CLSPN: variants seen among roughly 807,000 people sequenced by gnomAD.
CLSPN encodes the protein claspin homolog.
Under a neutral mutation model 156.3 loss-of-function variants are expected in CLSPN, and 85 were observed. The ratio of observed to expected loss-of-function variants is 0.54; its 90% CI spans 0.46 to 0.65. The LOEUF (loss-of-function observed/expected upper bound fraction) is 0.65, where lower values mean the gene tolerates loss of function less well. Among genes scored for constraint, CLSPN ranks in the 30% least tolerant of loss-of-function variants. The pLI is 0.00. For synonymous variants in CLSPN, 534 were observed against 542.4 expected (o/e 0.98, Z 0.22); for missense variants, 1,407 against 1,554.9 (o/e 0.90, Z 1.60).
At chr1:35,729,542 C>T (rs192199628), downstream of CLSPN, among the ~76,000 whole-genome samples, 24 of 152,150 alleles carry the variant, frequency 1.6e-4, no homozygotes, top group African/African-American at 5.8e-4. Flanking sequence ...CAGACCAAGA[C>T]AATAAAACTA....
At chr1:35,738,709 A>G in intron 20 of CLSPN, 127 bp from the exon 21 acceptor site, 1 of 906,560 alleles carries the variant, frequency 1.1e-6, no homozygotes, top group Non-Finnish European at 1.6e-6. Flanking sequence ...ATTAACAGAA[A>G]ACAGTTACAA....
At position 35,739,361 on chromosome 1, in the gene CLSPN, T is replaced by C; in HGVS notation, c.3308+4A>G. ...TACTCAGAAGGGCTTATTGGGATAC[T>C]GACATGTGTATTTTCTTGATTTGAC... On this transcript the variant is annotated splice_donor_region_variant and intron_variant, in intron 19 of 24. Transcript: ENST00000318121. The C allele has an allele frequency of 6.2e-7, 1 of 1,614,030 alleles. No homozygotes were observed. Among genetic ancestry groups the C allele is most frequent in the South Asian group, 1.1e-5 (1 of 91,044 alleles).
At position 35,764,633 on chromosome 1, in the gene CLSPN, G is replaced by T; in HGVS notation, c.215C>A (p.Thr72Lys). ...GGTAGTTTTCTCTGGAGAGGCATTT[G>T]TGTCCTCTGTTTCGGAATCACTGTC... is the stretch of plus-strand genomic sequence containing the variant. ...LQDSDSETED[T>K]NASPEKTTYD... Residue 72 changes from threonine to lysine, a missense_variant, in exon 3 of 25, where the codon ACA becomes AAA. This residue lies in a region of CLSPN where 1,096 missense variants were observed against 1,193.0 expected (regional missense o/e 0.92). Transcript: ENST00000318121. 1 of 1,612,770 alleles carries T rather than the reference G, an allele frequency of 6.2e-7. No individual in the cohort carries two copies. Among genetic ancestry groups the T allele is most frequent in the Non-Finnish European group, 8.5e-7 (1 of 1,179,654 alleles).
Position 35,734,670 on chromosome 1 carries a change from T to C in CLSPN, c.*1826A>G, listed in dbSNP as rs2148610909. 1.4e-6 allele frequency: 1 copy of C among 704,430 alleles called. No homozygotes were observed. The highest frequency in any genetic ancestry group is 1.6e-6 in the Non-Finnish European group (1 of 610,860). The allele number at this position is 704,430 out of a possible 1,614,324, so 43.6% of individuals were successfully genotyped here. A position where few individuals can be genotyped will look rare whatever the true frequency, so the allele number is the denominator to read the frequency against. On this transcript the variant is annotated 3_prime_UTR_variant, in exon 25 of 25. Transcript: ENST00000318121. ...TCCAGCCTAGGTGACAGAGCCAGCC[T>C]ATGTCTCAAAAAAAAAAAAAGAAAA...
Position 35,745,578 on chromosome 1 carries a change from G to C in CLSPN, c.2855-16C>G, listed in dbSNP as rs552377315. The C allele has an allele frequency of 2.6e-6, 4 of 1,516,200 alleles. No individual in the cohort carries two copies. The highest frequency in any genetic ancestry group is 1.4e-5 in the African/African-American group (1 of 73,082). 93.9% of individuals were successfully genotyped at this position (1,516,200 alleles called of 1,614,324 possible). ...GTGGAGGCATCTACATCACAACAAG[G>C]AAAAGATGTGTCACCAAGGAATGAT... On this transcript the variant is annotated splice_polypyrimidine_tract_variant and intron_variant, in intron 15 of 24. Coordinates refer to ENST00000318121, the MANE Select transcript of CLSPN (RefSeq NM_022111.4).
At chr1:35,766,857 C>T (rs544854701) in intron 1 of CLSPN, among the ~76,000 whole-genome samples, 108 of 151,890 alleles carry the variant, frequency 7.1e-4, no homozygotes, top group East Asian at 2.3e-3. Flanking sequence ...TGGGTTCAAG[C>T]GATTCTCCAG....
Position 35,751,428 on chromosome 1 carries a change from T to C in CLSPN, c.1850A>G (p.Gln617Arg), listed in dbSNP as rs374696977. The C allele has an allele frequency of 6.2e-7, 1 of 1,613,996 alleles. No individual in the cohort carries two copies. Among genetic ancestry groups the C allele is most frequent in the African/African-American group, 1.3e-5 (1 of 74,924 alleles). The change falls in exon 10 of 25, where the codon CAA becomes CGA. Residue 617 changes from glutamine (Q) to arginine (R), a missense_variant. By Grantham distance (43) the Gln-to-Arg change is conservative. Around this residue, in one of 3 missense-constraint regions of CLSPN, gnomAD observed 1,096 missense variants for 1,193.0 expected, o/e 0.92. Coordinates refer to ENST00000318121, the MANE Select transcript of CLSPN (RefSeq NM_022111.4). ...LRRFEERQKRQALFKLDNEDG... is the reference protein window; with the variant it reads ...LRRFEERQKRRALFKLDNEDG... ...TTCATTATCTAATTTAAACAGTGCT[T>C]GGCGCTTCTGGCGCTCCTCAAACCT...
rs781693201 is a variant in CLSPN, at chr1:35,765,207, C to G, written c.133+11G>C. The stretch of plus-strand genomic sequence containing the variant: ...CAACCTATTCCTAAAAATAAAAGTA[C>G]TATTACAAACCTCCTTCACTCAAGG... On this transcript the variant is annotated intron_variant, in intron 2 of 24. Coordinates refer to ENST00000318121, the MANE Select transcript of CLSPN (RefSeq NM_022111.4). 3 of 1,557,708 alleles carry G rather than the reference C, an allele frequency of 1.9e-6. No individual in the cohort carries two copies. The highest frequency in any genetic ancestry group is 1.8e-6 in the Non-Finnish European group (2 of 1,130,660).
intron 9 of CLSPN, 30 bp downstream of exon 9, chr1:35,753,715 G>A: frequency 6.4e-7 from 1 of 1,573,550 alleles, no homozygotes; most frequent in Non-Finnish European, 8.7e-7. Context: ...AAAGCAAAAA[G>A]CAAAAAACAA....
At chr1:35,752,189 T>C (rs753491175) in intron 9 of CLSPN, among the ~76,000 whole-genome samples, 31 of 152,106 alleles carry the variant, frequency 2.0e-4, no homozygotes, top group Non-Finnish European at 3.7e-4. Flanking sequence ...CTGTATGCAA[T>C]AGCAACAACT....
intron 8 of CLSPN, 103 bp downstream of exon 8, chr1:35,760,239 G>T: frequency 1.2e-6 from 1 of 840,674 alleles, no homozygotes; most frequent in Non-Finnish European, 1.8e-6. Flanking sequence ...AGATCAAAGT[G>T]GTTATTGGTT....
At chr1:35,763,080 A>T in intron 4 of CLSPN, 80 bp downstream of exon 4, 1 of 1,188,602 alleles carries the variant, frequency 8.4e-7, no homozygotes, top group Non-Finnish European at 1.1e-6. Flanking sequence ...AAAAAAAATT[A>T]AGGTTCCAAC....
intron 9 of CLSPN, among the ~76,000 whole-genome samples, chr1:35,753,404 AT>A (rs11306107): frequency 0.98 from 149,777 of 152,314 alleles, 73,692 homozygotes; most frequent in East Asian, 1. Flanking sequence ...TTTTGTTTAA[AT>A]TACATATACA....
At chr1:35,727,536 T>C (rs926164573), downstream of CLSPN, among the ~76,000 whole-genome samples, 1 of 152,126 alleles carries the variant, frequency 6.6e-6, no homozygotes, top group African/African-American at 2.4e-5. Context: ...CATCAAATAT[T>C]TGTCAAAGGA....
In CLSPN at chr1:35,737,339, C is replaced by G; in HGVS notation, c.3747G>C (p.Gln1249His). 3.7e-6 allele frequency: 6 copies of G among 1,613,242 alleles called. No homozygotes were observed. Among genetic ancestry groups the G allele is most frequent in the Non-Finnish European group, 5.1e-6 (6 of 1,179,230 alleles). The change falls in exon 23 of 25, where the codon CAG becomes CAC. Residue 1249 changes from glutamine (Q) to histidine (H), a missense_variant and splice_region_variant. By Grantham distance (24) the Gln-to-His change is conservative (BLOSUM62 0). Coordinates refer to ENST00000318121, the MANE Select transcript of CLSPN (RefSeq NM_022111.4). ...CAGATTAACAAGGTTCCCAACCAAC[C>G]TGTTGAGCACTTCCTGGTCTGATGG... Reference protein sequence around the residue: ...FEAIRPGSAQQVKTGSLLNQP... With the variant: ...FEAIRPGSAQHVKTGSLLNQP...
chr1:35,737,699 T>G, intron 22 of CLSPN: 1 of 465,814 alleles, frequency 2.1e-6, no homozygotes. Context: ...AAATCCTACC[T>G]CTAACACTTA....
intron 15 of CLSPN, 51 bp from the exon 16 acceptor site, chr1:35,745,613 C>T (rs1393855771): frequency 1.5e-6 from 2 of 1,309,302 alleles, no homozygotes; most frequent in African/African-American, 2.9e-5. Flanking sequence ...TAGCTTTATA[C>T]TCTTTTCCCA....
chr1:35,738,900 A>T (rs974202031), intron 20 of CLSPN, among the ~76,000 whole-genome samples: 4 of 149,758 alleles, frequency 2.7e-5, no homozygotes, highest in Admixed American at 6.8e-5. Flanking sequence ...TCCCGGGTTC[A>T]CGCAATTCTC....
chr1:35,720,837 G>T (rs1641057811), exon 25 of CLSPN: 2 of 1,282,020 alleles, frequency 1.6e-6, no homozygotes, highest in East Asian at 2.3e-5. Flanking sequence ...TCAATTGTTT[G>T]TTCTGCCCAG....
Sources: gnomAD v4.1 joint callset for allele counts (sites outside exome capture counted in the v4.1 genomes callset) on GRCh38, gnomAD v4.1.1 for gene constraint, gnomAD v4.1.1 regional missense constraint, MANE v1.5 for transcripts, NCBI Gene and HGNC (gene_info 2026-07-23, HGNC 2026-07-21) for gene names.